The following CPEB3 variants were observed in gnomAD, a reference collection of about 807,000 sequenced individuals.
CPEB3 encodes the protein cytoplasmic polyadenylation element-binding protein 3.
Under a neutral mutation model 67.2 loss-of-function variants are expected in CPEB3, and 20 were observed. That is an observed-to-expected ratio of 0.30 (90% CI 0.21 to 0.43). The LOEUF (loss-of-function observed/expected upper bound fraction) is 0.43, where lower values mean the gene tolerates loss of function less well. Ranked by LOEUF, CPEB3 falls within the 20% of genes least tolerant of loss-of-function variation. CPEB3 has a pLI of 1.00. For synonymous variants in CPEB3, 376 were observed against 393.1 expected (o/e 0.96, Z 0.51); for missense variants, 746 against 968.6 (o/e 0.77, Z 3.05).
At chr10:92,265,731 A>G (rs1434629181) in intron 1 of CPEB3, among the ~76,000 whole-genome samples, 1 of 151,102 alleles carries the variant, frequency 6.6e-6, no homozygotes, top group Non-Finnish European at 1.5e-5. Context: ...CTGGGCAACA[A>G]GAGCAAAACT....
chr10:92,184,894 G>A (rs1410881141), intron 3 of CPEB3, among the ~76,000 whole-genome samples: 1 of 152,018 alleles, frequency 6.6e-6, no homozygotes, highest in African/African-American at 2.4e-5. Context: ...TCCACGTTAG[G>A]GAGTGTATAT....
At chr10:92,200,544 T>C (rs1849473505) in intron 2 of CPEB3, among the ~76,000 whole-genome samples, 1 of 45,590 alleles carries the variant, frequency 2.2e-5, no homozygotes, top group Admixed American at 3.2e-4. Context: ...AAACTCCGTC[T>C]CAAAAAAAAA....
intron 6 of CPEB3, among the ~76,000 whole-genome samples, chr10:92,126,924 T>C (rs1845630361): frequency 6.6e-6 from 1 of 152,170 alleles, no homozygotes; most frequent in Non-Finnish European, 1.5e-5. Flanking sequence ...TATTCTCTGA[T>C]CAAGTAATGA....
intron 4 of CPEB3, among the ~76,000 whole-genome samples, chr10:92,147,675 C>G (rs563453569): frequency 6.6e-6 from 1 of 152,168 alleles, no homozygotes; most frequent in Non-Finnish European, 1.5e-5. Context: ...AAGACTTTAC[C>G]AAGTGACACA....
chr10:92,076,710 G>A (rs1487007490), intron 9 of CPEB3, among the ~76,000 whole-genome samples: 1 of 151,998 alleles, frequency 6.6e-6, no homozygotes, highest in African/African-American at 2.4e-5. Context: ...CACTGTGCCT[G>A]GCCTACTCAT....
At chr10:92,230,080 C>T (rs558374395) in intron 2 of CPEB3, among the ~76,000 whole-genome samples, 3 of 152,070 alleles carry the variant, frequency 2.0e-5, no homozygotes, top group Admixed American at 6.6e-5. Context: ...ATGGAGAATC[C>T]GTCACAAAAA....
At chr10:92,143,174 A>G (rs1030229975) in intron 5 of CPEB3, 56 bp from the exon 6 acceptor site, 2 of 1,307,274 alleles carry the variant, frequency 1.5e-6, no homozygotes, top group African/African-American at 2.9e-5. Context: ...CAATCAGAAA[A>G]CCAGAAGAGC....
At chr10:92,199,902 AG>A (rs1849435677) in intron 2 of CPEB3, among the ~76,000 whole-genome samples, 1 of 150,624 alleles carries the variant, frequency 6.6e-6, no homozygotes, top group Non-Finnish European at 1.5e-5. Context: ...ACACAGAGAG[AG>A]AGAGAGAGAG....
intron 6 of CPEB3, among the ~76,000 whole-genome samples, chr10:92,127,329 T>C (rs763338097): frequency 1.3e-5 from 2 of 151,916 alleles, no homozygotes; most frequent in African/African-American, 2.4e-5. Context: ...AAAAAGAGGA[T>C]ACAGGGGCTA....
intron 1 of CPEB3, among the ~76,000 whole-genome samples, chr10:92,246,608 A>C (rs1852080212): frequency 6.6e-6 from 1 of 151,472 alleles, no homozygotes; most frequent in Non-Finnish European, 1.5e-5. Flanking sequence ...TCCTGGGTCC[A>C]AGCGATTCTC....
At chr10:92,244,106 G>T (rs190233888) in intron 1 of CPEB3, among the ~76,000 whole-genome samples, 2 of 152,102 alleles carry the variant, frequency 1.3e-5, no homozygotes, top group African/African-American at 4.8e-5. Flanking sequence ...CAGCGCTTTG[G>T]GAGGCCGAGG....
At position 92,111,091 on chromosome 10, in the gene CPEB3, G is replaced by A. The variant is rs922378372; in HGVS notation, c.1557C>T (p.Thr519=). The change falls in exon 7 of 10, where the codon ACC becomes ACT. Residue 519 remains threonine (T), a synonymous_variant. Coordinates refer to ENST00000265997, the MANE Select transcript of CPEB3 (RefSeq NM_014912.5). ...GKLYLCVSSP[T]IKDKPVQIRP... is the part of the protein sequence containing the mutation. ...TATTACTTACTGGCTTGTCCTTGAT[G>A]GTGGGGCTTGACACACACAGGTAGA... 1 of 1,612,108 alleles carries A rather than the reference G, an allele frequency of 6.2e-7. No homozygotes were observed. Among genetic ancestry groups the A allele is most frequent in the African/African-American group, 1.3e-5 (1 of 74,884 alleles).
chr10:92,095,595 TA>T (rs1843823279), intron 7 of CPEB3, among the ~76,000 whole-genome samples: 1 of 83,176 alleles, frequency 1.2e-5, no homozygotes, highest in South Asian at 2.8e-4. Context: ...TATATATATA[TA>T]TATATTTTTT....
At chr10:92,241,502 G>C (rs1245296987) in intron 1 of CPEB3, among the ~76,000 whole-genome samples, 3 of 152,140 alleles carry the variant, frequency 2.0e-5, no homozygotes, top group African/African-American at 7.2e-5. Context: ...TGAAGACCCT[G>C]AATTACCATA....
In CPEB3 at chr10:92,073,631, G is replaced by A. The variant is rs190601479; in HGVS notation, c.1869+7689C>T. Among the ~76,000 whole-genome samples the A allele has an allele frequency of 3.2e-3, 486 of 151,616 alleles. 2 individuals carry two copies. The highest frequency in any genetic ancestry group is 4.3e-3 in the Non-Finnish European group (292 of 67,830). On this transcript the variant is annotated intron_variant, in intron 9 of 9. Coordinates refer to ENST00000265997, the MANE Select transcript of CPEB3 (RefSeq NM_014912.5). ...TTTAAAAAAAAAATTTTTTTTTGGC[G>A]AGATGAGGGTCTTGTTATGTTGCCC...
At chr10:92,176,384 G>C (rs988205946) in intron 4 of CPEB3, among the ~76,000 whole-genome samples, 1 of 152,234 alleles carries the variant, frequency 6.6e-6, no homozygotes, top group Non-Finnish European at 1.5e-5. Context: ...TCGAGGCAAA[G>C]AGGAGTTAAG....
chr10:92,131,310 G>T (rs989818566), intron 6 of CPEB3, among the ~76,000 whole-genome samples: 9 of 152,104 alleles, frequency 5.9e-5, no homozygotes, highest in Non-Finnish European at 1.3e-4. Flanking sequence ...CTGTTATTTT[G>T]GAGTGTACCA....
At chr10:92,066,813 A>G (rs2134357539) in intron 9 of CPEB3, among the ~76,000 whole-genome samples, 1 of 152,056 alleles carries the variant, frequency 6.6e-6, no homozygotes, top group African/African-American at 2.4e-5. Flanking sequence ...GGGAGGCCGA[A>G]GCGGGCGGAT....
chr10:92,240,826 C>T (rs1237670391), intron 1 of CPEB3, among the ~76,000 whole-genome samples: 1 of 151,836 alleles, frequency 6.6e-6, no homozygotes, highest in East Asian at 1.9e-4. Context: ...ACACACGACC[C>T]TTTCTTCTCC....
Sources: gnomAD v4.1 joint callset for allele counts (sites outside exome capture counted in the v4.1 genomes callset) on GRCh38, gnomAD v4.1.1 for gene constraint, MANE v1.5 for transcripts, NCBI Gene and HGNC (gene_info 2026-07-23, HGNC 2026-07-21) for gene names.